STX3: variants seen among roughly 807,000 people sequenced by gnomAD.
The protein encoded by STX3 is syntaxin-3.
A neutral mutation model predicts 40.2 loss-of-function variants in STX3; 19 were observed. That is an observed-to-expected ratio of 0.47 (90% CI 0.33 to 0.69). The LOEUF (loss-of-function observed/expected upper bound fraction) is 0.69, where lower values mean the gene tolerates loss of function less well. Among genes scored for constraint, STX3 ranks in the 30% least tolerant of loss-of-function variants. The pLI is 0.02. For missense variants in STX3, 364 were observed against 366.7 expected (o/e 0.99, Z 0.06); for synonymous variants, 122 against 132.2 (o/e 0.92, Z 0.53).
chr11:59,755,449 C>T lies in STX3; in HGVS notation c.-157C>T. On this transcript the variant is annotated 5_prime_UTR_variant, in exon 1 of 11. Coordinates refer to ENST00000337979, the MANE Select transcript of STX3 (RefSeq NM_004177.5). ...GAGGCTCCCGTGGCCTCGGACGCTCCTCCTAGCTAGCGGCCGCCGCCCGCC... is the reference window on the plus strand; with the variant it reads ...GAGGCTCCCGTGGCCTCGGACGCTCTTCCTAGCTAGCGGCCGCCGCCCGCC... 1.2e-6 allele frequency: 1 copy of T among 831,848 alleles called. No individual in the cohort carries two copies. The highest frequency in any genetic ancestry group is 1.8e-5 in the African/African-American group (1 of 55,204). 51.5% of individuals were successfully genotyped at this position (831,848 alleles called of 1,614,324 possible).
chr11:59,760,805 C>T (rs1192680273), intron 1 of STX3, among the ~76,000 whole-genome samples: 3 of 152,198 alleles, frequency 2.0e-5, no homozygotes, highest in Non-Finnish European at 2.9e-5. Flanking sequence ...AAGAATTGAA[C>T]GTGTGTGTCT....
At chr11:59,794,178 A>T (rs1414001181) in intron 8 of STX3, among the ~76,000 whole-genome samples, 1 of 152,178 alleles carries the variant, frequency 6.6e-6, no homozygotes. Context: ...GCAAAATAGC[A>T]TTGACAGAAA....
At chr11:59,775,088 C>G (rs977434318) in intron 2 of STX3, among the ~76,000 whole-genome samples, 1 of 152,180 alleles carries the variant, frequency 6.6e-6, no homozygotes, top group Non-Finnish European at 1.5e-5. Context: ...AAAAGTAACC[C>G]TCCAGTTTTT....
intron 2 of STX3, 33 bp from the exon 3 acceptor site, chr11:59,787,004 T>C (rs780015647): frequency 6.3e-6 from 10 of 1,585,468 alleles, no homozygotes; most frequent in Non-Finnish European, 7.8e-6. Context: ...ACTTCCTCTT[T>C]GATGATGAAG....
chr11:59,763,369 C>T (rs1047343819), intron 1 of STX3, among the ~76,000 whole-genome samples: 1 of 152,106 alleles, frequency 6.6e-6, no homozygotes, highest in African/African-American at 2.4e-5. Flanking sequence ...CCTCTTCTTC[C>T]TTTCTTGGGA....
In STX3 at chr11:59,803,716, A is replaced by G. The variant is rs1023116482; in HGVS notation, c.*2892A>G. ...ATTTCTTCCCTTTCAAGGTTAATGA[A>G]AGTTAACACAGCCTTGTATGTAGTC... On this transcript the variant is annotated 3_prime_UTR_variant, in exon 11 of 11. Coordinates refer to ENST00000337979, the MANE Select transcript of STX3 (RefSeq NM_004177.5). 3 of 154,492 alleles carry G rather than the reference A, an allele frequency of 1.9e-5. No homozygotes were observed. Among genetic ancestry groups the G allele is most frequent in the African/African-American group, 7.2e-5 (3 of 41,526 alleles). The allele number at this position is 154,492 out of a possible 1,614,324, so 9.6% of individuals were successfully genotyped here. A position where few individuals can be genotyped will look rare whatever the true frequency, so the allele number is the denominator to read the frequency against.
chr11:59,804,548 T>C lies in STX3; in HGVS notation c.*3724T>C, dbSNP rs1305727362. On this transcript the variant is annotated 3_prime_UTR_variant, in exon 11 of 11. Coordinates refer to ENST00000337979, the MANE Select transcript of STX3 (RefSeq NM_004177.5). ...GAGGCTGTGTAAAGCCGCTTGGGAA[T>C]GGGCTGATCTGCTTATGCAAAAATG... 1 of 152,184 alleles carries C rather than the reference T, an allele frequency of 6.6e-6. No individual in the cohort carries two copies. Among genetic ancestry groups the C allele is most frequent in the Non-Finnish European group, 1.5e-5 (1 of 68,022 alleles). 9.4% of individuals were successfully genotyped at this position (152,184 alleles called of 1,614,324 possible).
At chr11:59,754,224 G>A (rs890219409), upstream of STX3, 1 of 152,246 alleles carries the variant, frequency 6.6e-6, no homozygotes, top group Non-Finnish European at 1.5e-5. Context: ...ACGCGAGAGA[G>A]AACTACGGCC....
intron 10 of STX3, among the ~76,000 whole-genome samples, chr11:59,798,589 A>G (rs1321720663): frequency 7.0e-6 from 1 of 143,370 alleles, no homozygotes. Flanking sequence ...GCGCGATCTC[A>G]GCTCACTGCA....
intron 10 of STX3, chr11:59,800,538 T>TCACC: frequency 1.0e-6 from 1 of 985,358 alleles, no homozygotes; most frequent in Admixed American, 6.1e-5. Context: ...TCAGGAGCGG[T>TCACC]GTTGCTGTGG....
At chr11:59,756,683 GGGTTGT>G (rs1277781984) in intron 1 of STX3, among the ~76,000 whole-genome samples, 34 of 152,320 alleles carry the variant, frequency 2.2e-4, no homozygotes, top group Non-Finnish European at 3.8e-4. Flanking sequence ...ATTAGAACTG[GGGTTGT>G]CTCCTGGCTC....
chr11:59,795,819 G>T (rs547756820), intron 9 of STX3: 7 of 957,842 alleles, frequency 7.3e-6, no homozygotes, highest in Non-Finnish European at 1.1e-5. Context: ...CCTCCCTGTC[G>T]TAGCCTCATC....
intron 2 of STX3, among the ~76,000 whole-genome samples, chr11:59,774,237 A>T (rs1000052273): frequency 1.3e-5 from 2 of 152,030 alleles, no homozygotes; most frequent in East Asian, 3.9e-4. Flanking sequence ...CTTGGGCCCA[A>T]ATCTCAACCC....
At chr11:59,795,715 G>A in intron 9 of STX3, 1 of 1,536,198 alleles carries the variant, frequency 6.5e-7, no homozygotes, top group Admixed American at 2.0e-5. Context: ...CCCGGAGGGT[G>A]AGCACCTTCA....
intron 1 of STX3, among the ~76,000 whole-genome samples, chr11:59,759,006 C>T (rs1222840653): frequency 2.6e-5 from 4 of 152,174 alleles, no homozygotes; most frequent in African/African-American, 9.7e-5. Flanking sequence ...ACCCTGTTGG[C>T]CAGTCTTTGG....
At chr11:59,771,729 A>G (rs1168915950) in intron 1 of STX3, among the ~76,000 whole-genome samples, 3 of 152,102 alleles carry the variant, frequency 2.0e-5, no homozygotes, top group African/African-American at 7.2e-5. Context: ...TGTGCATCAT[A>G]GAAGGAGAAG....
intron 4 of STX3, among the ~76,000 whole-genome samples, chr11:59,789,888 A>G (rs527348405): frequency 6.6e-6 from 1 of 152,280 alleles, no homozygotes; most frequent in African/African-American, 2.4e-5. Context: ...CAATGAAGCT[A>G]CTGTCATAGA....
intron 1 of STX3, among the ~76,000 whole-genome samples, chr11:59,773,010 C>CACACAT (rs1212465811): frequency 6.6e-6 from 1 of 151,102 alleles, no homozygotes; most frequent in African/African-American, 2.5e-5. Context: ...CACACACACA[C>CACACAT]ACAACCCAGC....
intron 10 of STX3, among the ~76,000 whole-genome samples, chr11:59,799,176 C>T (rs1314155321): frequency 6.6e-6 from 1 of 152,180 alleles, no homozygotes. Context: ...AGGCATGAGC[C>T]ACTGCGCCCA....
Sources: allele counts gnomAD v4.1 joint callset (sites outside exome capture counted in the v4.1 genomes callset), GRCh38; gene constraint gnomAD v4.1.1; transcripts MANE v1.5; gene names NCBI Gene and HGNC (gene_info 2026-07-23, HGNC 2026-07-21).